Variants in CA6 observed in about 807,000 individuals in gnomAD.
CA6 encodes carbonic anhydrase 6.
In CA6, 28 loss-of-function variants were observed where a neutral mutation model predicts 35.9. The ratio of observed to expected loss-of-function variants is 0.78; its 90% CI spans 0.58 to 1.07. The LOEUF (loss-of-function observed/expected upper bound fraction) is 1.07. Ranked by LOEUF, CA6 falls within the 50% of genes least tolerant of loss-of-function variation. The probability of loss-of-function intolerance (pLI) is 0.00; values close to 1 mark genes in which losing one functional copy is unlikely to be tolerated. For missense variants in CA6, 377 were observed against 382.0 expected, an observed-to-expected ratio of 0.99 and a Z score of 0.11; for synonymous variants, 148 against 152.6, an observed-to-expected ratio of 0.97 and a Z score of 0.22.
At chr1:8,949,672 C>T (rs928970611) in intron 2 of CA6, among the ~76,000 whole-genome samples, 1 of 152,110 alleles carries the variant, frequency 6.6e-6, no homozygotes, top group Non-Finnish European at 1.5e-5. Flanking sequence ...CTGGTCCCTT[C>T]CTGCAGCGTT....
intron 4 of CA6, among the ~76,000 whole-genome samples, chr1:8,960,206 G>C (rs2124167431): frequency 6.6e-6 from 1 of 151,596 alleles, no homozygotes; most frequent in Non-Finnish European, 1.5e-5. Context: ...ACTCCAGCCT[G>C]GATGACAGAG....
chr1:8,947,876 C>T (rs867285242), intron 1 of CA6, among the ~76,000 whole-genome samples: 17 of 144,822 alleles, frequency 1.2e-4, no homozygotes, highest in Non-Finnish European at 2.2e-4. Flanking sequence ...GAGAGTTTCA[C>T]TCTCGTTGCC....
intron 6 of CA6, among the ~76,000 whole-genome samples, chr1:8,970,205 CAA>C (rs57388930): frequency 0.016 from 1,380 of 88,038 alleles, 13 homozygotes; most frequent in African/African-American, 0.052. Context: ...ACTCTGGTCT[CAA>C]AAAAAAAAAA....
At chr1:8,960,754 A>AC (rs1639818250) in intron 4 of CA6, among the ~76,000 whole-genome samples, 1 of 104,420 alleles carries the variant, frequency 9.6e-6, no homozygotes, top group Non-Finnish European at 1.8e-5. Flanking sequence ...ACACACACAC[A>AC]CACACACACA....
At chr1:8,950,056 T>C (rs1278917217) in intron 2 of CA6, among the ~76,000 whole-genome samples, 1 of 152,102 alleles carries the variant, frequency 6.6e-6, no homozygotes, top group Non-Finnish European at 1.5e-5. Flanking sequence ...CTCAGCTCAC[T>C]GCAACCTCCA....
rs1003610921 is a variant in CA6, at chr1:8,970,444, T to C, written c.730-423T>C. Among the ~76,000 whole-genome samples, 90 of 152,134 alleles carry C rather than the reference T, an allele frequency of 5.9e-4. 1 individual carries two copies. The highest frequency in any genetic ancestry group is 3.3e-4 in the Admixed American group (5 of 15,256). ...CCCAGAACCTCCCCTGGACTTGAGA[T>C]CTTCTTACAGTCACTTCATCAGGGT... On this transcript the variant is annotated intron_variant, in intron 6 of 7. Coordinates refer to ENST00000377443, the MANE Select transcript of CA6 (RefSeq NM_001215.4).
At chr1:8,946,805 G>GTTTTTTTTTTTTT (rs60046591) in intron 1 of CA6, among the ~76,000 whole-genome samples, 1 of 102,042 alleles carries the variant, frequency 9.8e-6, no homozygotes. Flanking sequence ...TTTTTTTTTT[G>GTTTTTTTTTTTTT]TTTTTTTTTT....
At chr1:8,959,887 G>A (rs201700179) in intron 4 of CA6, among the ~76,000 whole-genome samples, 20 of 134,438 alleles carry the variant, frequency 1.5e-4, no homozygotes, top group African/African-American at 4.9e-4. Context: ...AGCCGAGATC[G>A]TGCTACTGCA....
intron 3 of CA6, among the ~76,000 whole-genome samples, 163 bp downstream of exon 3, chr1:8,957,448 C>T (rs111417690): frequency 6.6e-6 from 1 of 152,286 alleles, no homozygotes; most frequent in Non-Finnish European, 1.5e-5. Flanking sequence ...TCAAGCAATT[C>T]TCCTGCCTTA....
chr1:8,951,526 C>G (rs774815964), intron 2 of CA6: 1 of 765,140 alleles, frequency 1.3e-6, no homozygotes, highest in Non-Finnish European at 2.4e-6. Flanking sequence ...CCCTGGACAG[C>G]TGGTGGGAAG....
intron 7 of CA6, among the ~76,000 whole-genome samples, chr1:8,973,752 C>A (rs1640179408): frequency 4.9e-5 from 1 of 20,614 alleles, no homozygotes; most frequent in Non-Finnish European, 7.4e-5. Context: ...TTCTTTCTTT[C>A]TTTCTTTCTT....
intron 2 of CA6, among the ~76,000 whole-genome samples, chr1:8,949,924 G>C (rs1639479921): frequency 6.6e-6 from 1 of 152,114 alleles, no homozygotes; most frequent in Non-Finnish European, 1.5e-5. Context: ...AGGTCAGACA[G>C]AAAAAGCAGG....
chr1:8,968,844 C>T (rs1289544846), intron 6 of CA6, among the ~76,000 whole-genome samples: 5 of 141,238 alleles, frequency 3.5e-5, no homozygotes, highest in African/African-American at 5.3e-5. Flanking sequence ...GGTGGAACCC[C>T]GTCTCTACTA....
chr1:8,966,457 G>A (rs1016212199), intron 5 of CA6, among the ~76,000 whole-genome samples: 3 of 152,118 alleles, frequency 2.0e-5, no homozygotes, highest in South Asian at 4.1e-4. Flanking sequence ...CGTGGTGGCT[G>A]CATCATGATT....
chr1:8,958,519 A>C (rs1243980847), intron 3 of CA6, among the ~76,000 whole-genome samples: 1 of 152,182 alleles, frequency 6.6e-6, no homozygotes, highest in Non-Finnish European at 1.5e-5. Context: ...CCATAGGATG[A>C]CTACATGTTA....
chr1:8,968,770 C>T (rs1640034336), intron 6 of CA6, among the ~76,000 whole-genome samples: 1 of 152,148 alleles, frequency 6.6e-6, no homozygotes, highest in South Asian at 2.1e-4. Context: ...AATCCCAGCA[C>T]TTTGGGAGGC....
intron 5 of CA6, among the ~76,000 whole-genome samples, chr1:8,962,940 G>A (rs1255982367): frequency 6.6e-6 from 1 of 152,132 alleles, no homozygotes; most frequent in Admixed American, 6.5e-5. Context: ...TCCTTGCTTC[G>A]ATGACTGTCA....
chr1:8,951,350 A>G lies in CA6; in HGVS notation c.259+1908A>G, dbSNP rs141914236. On this transcript the variant is annotated intron_variant, in intron 2 of 7. Transcript: ENST00000377443. ...TGGCCAGGAGCCCTGAAATACACAAAGAATGAACAAAAGCCTCATTTTCAT... is the reference window on the plus strand; with the variant it reads ...TGGCCAGGAGCCCTGAAATACACAAGGAATGAACAAAAGCCTCATTTTCAT... 1,260 of 674,176 alleles carry G rather than the reference A, an allele frequency of 1.9e-3. 22 individuals are homozygous for G. In the African/African-American group the frequency reaches 0.02, roughly 11 times the overall value. 41.8% of individuals were successfully genotyped at this position (674,176 alleles called of 1,614,324 possible). A position where few individuals can be genotyped will look rare whatever the true frequency, so the allele number is the denominator to read the frequency against.
rs1392064671 is a variant in CA6, at chr1:8,949,458, G to A, written c.259+16G>A. On this transcript the variant is annotated intron_variant, in intron 2 of 7. Coordinates refer to ENST00000377443, the MANE Select transcript of CA6 (RefSeq NM_001215.4). Reference sequence around the variant, plus strand: ...GGCCACACAGGTAAGAGGAAGGGGTGGTGAGGGGCTCCAGTCCATGGGCAG... The same window carrying A: ...GGCCACACAGGTAAGAGGAAGGGGTAGTGAGGGGCTCCAGTCCATGGGCAG... 2 of 1,605,774 alleles carry A rather than the reference G, an allele frequency of 1.2e-6. No homozygotes were observed. The highest frequency in any genetic ancestry group is 2.2e-5 in the South Asian group (2 of 90,254).
Sources: allele counts gnomAD v4.1 joint callset (sites outside exome capture counted in the v4.1 genomes callset), GRCh38; gene constraint gnomAD v4.1.1; transcripts MANE v1.5; gene names NCBI Gene and HGNC (gene_info 2026-07-23, HGNC 2026-07-21).